The following EYS variants were observed in gnomAD, a reference collection of about 807,000 sequenced individuals.
The protein encoded by EYS is protein eyes shut homolog.
Under a neutral mutation model 282.1 loss-of-function variants are expected in EYS, and 250 were observed. The ratio of observed to expected loss-of-function variants is 0.89; its 90% CI spans 0.80 to 0.98. The LOEUF (loss-of-function observed/expected upper bound fraction) is 0.98. Among genes scored for constraint, EYS ranks in the 50% least tolerant of loss-of-function variants. The pLI is 0.00. For missense variants in EYS, 4,016 were observed against 3,709.0 expected, an observed-to-expected ratio of 1.08 and a Z score of -2.15; for synonymous variants, 1,355 against 1,282.9, an observed-to-expected ratio of 1.06 and a Z score of -1.20.
intron 35 of EYS, among the ~76,000 whole-genome samples, chr6:63,890,515 A>T (rs1478896025): frequency 6.6e-6 from 1 of 152,238 alleles, no homozygotes; most frequent in Non-Finnish European, 1.5e-5. Flanking sequence ...TAACAAAATT[A>T]AGGCAGAAAT....
intron 26 of EYS, among the ~76,000 whole-genome samples, chr6:64,554,713 G>A (rs1479386311): frequency 6.6e-6 from 1 of 151,856 alleles, no homozygotes; most frequent in East Asian, 1.9e-4. Context: ...ATCAAAAAAT[G>A]GGAAAGATCT....
intron 29 of EYS, among the ~76,000 whole-genome samples, chr6:64,341,712 T>A (rs1037938558): frequency 1.3e-5 from 2 of 151,698 alleles, no homozygotes; most frequent in African/African-American, 4.8e-5. Flanking sequence ...TCATCCCAAC[T>A]ACTCCCACTA....
At chr6:65,596,017 G>T (rs1232239416) in intron 2 of EYS, among the ~76,000 whole-genome samples, 1 of 152,082 alleles carries the variant, frequency 6.6e-6, no homozygotes, top group Admixed American at 6.6e-5. Flanking sequence ...GAGGAGAGAG[G>T]TCCATCTGAA....
At chr6:65,255,741 A>G (rs1003250837) in intron 12 of EYS, among the ~76,000 whole-genome samples, 1 of 152,092 alleles carries the variant, frequency 6.6e-6, no homozygotes, top group African/African-American at 2.4e-5. Flanking sequence ...AATGGCCAAC[A>G]GGTGTATAAA....
In EYS at chr6:65,272,523, C is replaced by T. The variant is rs1264511619; in HGVS notation, c.2023+23340G>A. ...GCATCAATCAGAATCTAAATCTAAT[C>T]ATGTTCCAGAGTCAATTCCAAAAAC... On this transcript the variant is annotated intron_variant, in intron 12 of 42. Coordinates refer to ENST00000503581, the MANE Select transcript of EYS (RefSeq NM_001142800.2). Among the ~76,000 whole-genome samples, 4 of 152,264 alleles carry T rather than the reference C, an allele frequency of 2.6e-5. No individual in the cohort carries two copies. The East Asian group carries it at 7.7e-4, about 29-fold the overall frequency.
At chr6:65,260,705 C>A (rs1767597280) in intron 12 of EYS, among the ~76,000 whole-genome samples, 1 of 151,950 alleles carries the variant, frequency 6.6e-6, no homozygotes, top group Non-Finnish European at 1.5e-5. Flanking sequence ...ACTTATATGT[C>A]ACACAATATC....
At chr6:64,367,340 C>T (rs577016912) in intron 29 of EYS, among the ~76,000 whole-genome samples, 7 of 151,868 alleles carry the variant, frequency 4.6e-5, no homozygotes, top group Non-Finnish European at 8.8e-5. Context: ...GGGTATGAAC[C>T]ACTTATCTAA....
At chr6:63,816,530 G>A (rs1771182116) in intron 36 of EYS, among the ~76,000 whole-genome samples, 1 of 152,124 alleles carries the variant, frequency 6.6e-6, no homozygotes, top group Admixed American at 6.6e-5. Flanking sequence ...GAAAAACAAA[G>A]GAACATAGGT....
intron 12 of EYS, among the ~76,000 whole-genome samples, chr6:65,075,903 C>T (rs1338940531): frequency 6.6e-6 from 1 of 151,856 alleles, no homozygotes; most frequent in Non-Finnish European, 1.5e-5. Context: ...TAAAATCTCA[C>T]ACCTCAATTT....
At chr6:65,583,384 G>C (rs1007302387) in intron 2 of EYS, among the ~76,000 whole-genome samples, 3 of 152,008 alleles carry the variant, frequency 2.0e-5, no homozygotes, top group Admixed American at 1.3e-4. Context: ...TTTTCGTTAA[G>C]TAAGAATTAC....
In EYS at chr6:63,921,844, G is replaced by C. The variant is rs543726824; in HGVS notation, c.7056-57486C>G. 2.6e-5 allele frequency among the ~76,000 whole-genome samples: 4 copies of C among 152,292 alleles called. No individual in the cohort carries two copies. The South Asian group carries it at 8.3e-4, about 32-fold the overall frequency. On this transcript the variant is annotated intron_variant, in intron 35 of 42. Coordinates refer to ENST00000503581, the MANE Select transcript of EYS (RefSeq NM_001142800.2). ...AAACATCAACATTCTTAAGATTTGT[G>C]TCTCACAGTTTTGAGAAGATTTTAC...
At chr6:63,925,684 C>T (rs1764695851) in intron 35 of EYS, among the ~76,000 whole-genome samples, 1 of 152,200 alleles carries the variant, frequency 6.6e-6, no homozygotes, top group African/African-American at 2.4e-5. Flanking sequence ...CGCTCTATAG[C>T]CCAGGCTGGA....
chr6:65,530,365 C>A (rs1242951487), intron 2 of EYS, among the ~76,000 whole-genome samples: 1 of 152,094 alleles, frequency 6.6e-6, no homozygotes, highest in Non-Finnish European at 1.5e-5. Flanking sequence ...CAGCCCACCA[C>A]CTGTCTTTGT....
At chr6:63,792,705 G>GT (rs945967883) in intron 37 of EYS, among the ~76,000 whole-genome samples, 275 of 147,216 alleles carry the variant, frequency 1.9e-3, no homozygotes, top group Middle Eastern at 0.018. Flanking sequence ...ATCCCCAACT[G>GT]TTTTTTTTTT....
intron 22 of EYS, among the ~76,000 whole-genome samples, chr6:64,660,284 T>C (rs1404815944): frequency 2.0e-5 from 3 of 152,040 alleles, no homozygotes; most frequent in Non-Finnish European, 4.4e-5. Flanking sequence ...AATATCATAC[T>C]GAATGGGCAA....
intron 31 of EYS, among the ~76,000 whole-genome samples, chr6:64,193,447 A>G (rs1364164954): frequency 6.6e-6 from 1 of 151,930 alleles, no homozygotes; most frequent in African/African-American, 2.4e-5. Context: ...AGTAGCTGAG[A>G]CTACGGGAGC....
At chr6:64,266,410 AGT>A (rs1390953290) in intron 30 of EYS, among the ~76,000 whole-genome samples, 1 of 152,128 alleles carries the variant, frequency 6.6e-6, no homozygotes, top group East Asian at 1.9e-4. Context: ...AAAAAACCCG[AGT>A]GAGTAATGTT....
intron 26 of EYS, among the ~76,000 whole-genome samples, chr6:64,525,739 G>C (rs183503047): frequency 6.6e-6 from 1 of 151,712 alleles, no homozygotes; most frequent in Admixed American, 6.6e-5. Flanking sequence ...GAGGATGCAG[G>C]GAAATTAAAT....
At chr6:64,873,114 G>C (rs1330818479) in intron 19 of EYS, among the ~76,000 whole-genome samples, 1 of 152,018 alleles carries the variant, frequency 6.6e-6, no homozygotes, top group Non-Finnish European at 1.5e-5. Flanking sequence ...AATTTACAAA[G>C]GTAAGAGGTT....
Sources: gnomAD v4.1 joint callset for allele counts (sites outside exome capture counted in the v4.1 genomes callset) on GRCh38, gnomAD v4.1.1 for gene constraint, MANE v1.5 for transcripts, NCBI Gene and HGNC (gene_info 2026-07-23, HGNC 2026-07-21) for gene names.